Variants in KLF8 observed in about 807,000 individuals in gnomAD.
KLF8 encodes the protein Krueppel-like factor 8.
In KLF8, 10 loss-of-function variants were observed where a neutral mutation model predicts 18.2. The observed-to-expected ratio is 0.55, with a 90% confidence interval of 0.34 to 0.93. The LOEUF is 0.93. Ranked by LOEUF, KLF8 falls within the 40% of genes least tolerant of loss-of-function variation. KLF8 has a pLI of 0.02. For missense variants in KLF8, 264 were observed against 277.9 expected, an observed-to-expected ratio of 0.95 and a Z score of 0.36; for synonymous variants, 109 against 97.3, an observed-to-expected ratio of 1.12 and a Z score of -0.71.
chrX:56,121,343 A>G, the KLF8 span, among the ~76,000 whole-genome samples: 2 of 111,560 alleles, frequency 1.8e-5, no homozygotes, highest in Non-Finnish European at 3.8e-5. Context: ...GAGGTTGGAG[A>G]AAGAATAGCC....
At chrX:56,145,051 C>G in the KLF8 span, among the ~76,000 whole-genome samples, 1 of 110,561 alleles carries the variant, frequency 9.0e-6, no homozygotes, top group Non-Finnish European at 1.9e-5. Context: ...CCTTGACATC[C>G]CAAAGTCCTG....
At chrX:56,009,678 T>C in the KLF8 span, among the ~76,000 whole-genome samples, 3 of 111,830 alleles carry the variant, frequency 2.7e-5, no homozygotes, top group African/African-American at 9.7e-5. Flanking sequence ...TAAAAAAGCA[T>C]GTTTTAACCC....
intron 1 of KLF8, among the ~76,000 whole-genome samples, chrX:56,245,945 G>C (rs1463275093): frequency 2.7e-5 from 3 of 111,138 alleles, no homozygotes; most frequent in South Asian, 3.8e-4. Context: ...ATTTTGCCTG[G>C]GTAAATATTT....
At chrX:55,920,328 A>G in the KLF8 span, among the ~76,000 whole-genome samples, 2 of 111,652 alleles carry the variant, frequency 1.8e-5, no homozygotes, top group Non-Finnish European at 3.8e-5. Flanking sequence ...GAAGGATACA[A>G]AAAAAACAAT....
chrX:56,108,634 G>T, the KLF8 span, among the ~76,000 whole-genome samples: 1 of 111,074 alleles, frequency 9.0e-6, no homozygotes, highest in African/African-American at 3.3e-5. Flanking sequence ...TCTTTTATAT[G>T]AATTATATTT....
At chrX:56,159,604 G>A in the KLF8 span, among the ~76,000 whole-genome samples, 1 of 112,288 alleles carries the variant, frequency 8.9e-6, no homozygotes, top group African/African-American at 3.2e-5. Context: ...CTTCTTCCTG[G>A]TTTAGTCTTG....
chrX:56,119,505 G>C, the KLF8 span, among the ~76,000 whole-genome samples: 1 of 110,657 alleles, frequency 9.0e-6, no homozygotes, highest in Non-Finnish European at 1.9e-5. Context: ...CTGGGTTCAA[G>C]CGATTCTCCC....
At chrX:56,219,981 A>G in the KLF8 span, among the ~76,000 whole-genome samples, 1 of 112,573 alleles carries the variant, frequency 8.9e-6, no homozygotes, top group African/African-American at 3.2e-5. Flanking sequence ...AGGGTAAAAT[A>G]GGAATCTCAA....
chrX:56,047,097 T>A, the KLF8 span, among the ~76,000 whole-genome samples: 1 of 110,411 alleles, frequency 9.1e-6, no homozygotes, highest in Admixed American at 9.7e-5. Context: ...TGGGTTAATT[T>A]GAAAGCCTTG....
chrX:56,086,386 C>T, the KLF8 span, among the ~76,000 whole-genome samples: 1 of 110,941 alleles, frequency 9.0e-6, no homozygotes, highest in African/African-American at 3.3e-5. Context: ...TCCATCCAAT[C>T]GGAGGGACAT....
chrX:56,117,899 T>C, the KLF8 span, among the ~76,000 whole-genome samples: 4 of 111,644 alleles, frequency 3.6e-5, no homozygotes, highest in South Asian at 1.5e-3. Flanking sequence ...TTTCTCATGG[T>C]TCTGGAGGCT....
At chrX:56,173,602 G>T in the KLF8 span, among the ~76,000 whole-genome samples, 3 of 111,833 alleles carry the variant, frequency 2.7e-5, no homozygotes, top group South Asian at 1.1e-3. Flanking sequence ...GGTTCCATAT[G>T]AACTTTAAAG....
the KLF8 span, among the ~76,000 whole-genome samples, chrX:55,988,299 T>C: frequency 9.0e-6 from 1 of 111,027 alleles, no homozygotes; most frequent in Non-Finnish European, 1.9e-5. Flanking sequence ...TGAATGGTAA[T>C]GCCTAGGTTT....
At chrX:56,016,434 G>A in the KLF8 span, among the ~76,000 whole-genome samples, 1 of 111,683 alleles carries the variant, frequency 9.0e-6, no homozygotes, top group Non-Finnish European at 1.9e-5. Context: ...GATAGACATA[G>A]TAATTCTTAG....
the KLF8 span, among the ~76,000 whole-genome samples, chrX:56,044,375 C>T: frequency 1.8e-5 from 2 of 112,194 alleles, no homozygotes; most frequent in East Asian, 5.6e-4. Flanking sequence ...TCCAGACTGC[C>T]TGTATTCTTC....
chrX:55,967,168 G>A, the KLF8 span, among the ~76,000 whole-genome samples: 1 of 111,581 alleles, frequency 9.0e-6, no homozygotes, highest in African/African-American at 3.3e-5. Context: ...CCTTAAAGGG[G>A]AGGTAGACAA....
chrX:56,031,911 G>T, the KLF8 span, among the ~76,000 whole-genome samples: 1 of 111,677 alleles, frequency 9.0e-6, no homozygotes, highest in Non-Finnish European at 1.9e-5. Context: ...GAGCGATCTA[G>T]GGGGTATGTG....
At chrX:56,135,394 C>G in the KLF8 span, among the ~76,000 whole-genome samples, 1,649 of 110,871 alleles carry the variant, frequency 0.015, 39 homozygotes, top group African/African-American at 0.051. Context: ...AGTTCATGTC[C>G]TTTGTAGGGA....
chrX:56,030,166 G>A, the KLF8 span, among the ~76,000 whole-genome samples: 1 of 111,560 alleles, frequency 9.0e-6, no homozygotes, highest in African/African-American at 3.3e-5. Flanking sequence ...CTTTATTTAC[G>A]TTGGTGGCCT....
Sources: allele counts gnomAD v4.1 joint callset (sites outside exome capture counted in the v4.1 genomes callset), GRCh38; gene constraint gnomAD v4.1.1; transcripts MANE v1.5; gene names NCBI Gene and HGNC (gene_info 2026-07-23, HGNC 2026-07-21).